UBQLN4: variants seen among roughly 807,000 people sequenced by gnomAD.
The protein encoded by UBQLN4 is ubiquilin 4, also known as ubiquilin-4.
Under a neutral mutation model 60.4 loss-of-function variants are expected in UBQLN4, and 11 were observed. The observed-to-expected ratio is 0.18, with a 90% CI of 0.11 to 0.30. The LOEUF (loss-of-function observed/expected upper bound fraction) is 0.30, where lower values mean the gene tolerates loss of function less well. Ranked by LOEUF, UBQLN4 falls within the 10% of genes least tolerant of loss-of-function variation. The pLI is 1.00. For synonymous variants in UBQLN4, 258 were observed against 313.1 expected (o/e 0.82, Z 1.86); for missense variants, 417 against 795.5 (o/e 0.52, Z 5.72).
chr1:156,033,204 G>C (rs948739664), downstream of UBQLN4: 1 of 985,302 alleles, frequency 1.0e-6, no homozygotes, highest in African/African-American at 1.7e-5. Context: ...GAGGAGCCCG[G>C]GTGAGACTGA....
chr1:156,047,662 A>G (rs956990441), intron 5 of UBQLN4, among the ~76,000 whole-genome samples: 20 of 151,268 alleles, frequency 1.3e-4, no homozygotes, highest in African/African-American at 4.6e-4. Context: ...TTTGGAGGCC[A>G]AGGTGGGCGG....
chr1:156,038,130 C>T (rs988744842), intron 10 of UBQLN4, among the ~76,000 whole-genome samples: 1 of 152,168 alleles, frequency 6.6e-6, no homozygotes, highest in Admixed American at 6.5e-5. Flanking sequence ...AATCCCAGCA[C>T]TTTGGGAGGC....
chr1:156,050,030 C>T lies in UBQLN4; in HGVS notation c.741+261G>A, dbSNP rs976068723. On this transcript the variant is annotated intron_variant, in intron 4 of 10. Transcript: ENST00000368309. This position sits in a 1 kb window ranked among gnomAD's most constrained non-coding sequence, Gnocchi z 4.6. ...TTAGGGTAGGGTCAGGAGCTCTTCT[C>T]TATGCTCCTAGAGGATCCCATGATT... Among the ~76,000 whole-genome samples the T allele has an allele frequency of 3.3e-5, 5 of 152,216 alleles. No homozygotes were observed. Among genetic ancestry groups the T allele is most frequent in the African/African-American group, 4.8e-5 (2 of 41,454 alleles).
chr1:156,037,123 G>T lies in UBQLN4; in HGVS notation c.1661C>A (p.Thr554Lys). 3 of 1,614,082 alleles carry T rather than the reference G, an allele frequency of 1.9e-6. No homozygotes were observed. The highest frequency in any genetic ancestry group is 2.5e-6 in the Non-Finnish European group (3 of 1,179,996). The change falls in exon 11 of 11, where the codon ACG (threonine) becomes AAG (lysine). Residue 554 changes from threonine to lysine, a missense_variant. Transcript: ENST00000368309. ...CTGCTGCTGAAATCTCACTTCTGGC[G>T]TCTGCACCTGGAGGGGACAGGCCTT... is the stretch of plus-strand genomic sequence containing the variant. ...LAGSGNSQVQ[T>K]PEVRFQQQLE...
In UBQLN4 at chr1:156,044,161, C is replaced by T. The variant is rs138459606; in HGVS notation, c.963G>A (p.Leu321=). ...GGAGGGGCTCTCGATTCTCAGTCCG[C>T]AGAGGCTGGGAGGATGAGCTGTCGG... The part of the protein sequence containing the change: ...GNSDSSSSQP[L]RTENREPLPN... The change falls in exon 6 of 11, where the codon CTG becomes CTA. Residue 321 remains leucine, a synonymous_variant. Transcript: ENST00000368309. 1,942 of 1,578,204 alleles carry T rather than the reference C, an allele frequency of 1.2e-3. 16 individuals are homozygous for T. The highest frequency in any genetic ancestry group is 3.8e-4 in the Non-Finnish European group (439 of 1,161,936).
In UBQLN4 at chr1:156,048,601, C is replaced by T; in HGVS notation, c.800G>A (p.Arg267Gln). ...GATGCTCTCAAGGTTGCTCAGGGCCCGGTCCTGGTTCCGCATCATCTCTTG... is the reference window on the plus strand; with the variant it reads ...GATGCTCTCAAGGTTGCTCAGGGCCTGGTCCTGGTTCCGCATCATCTCTTG... ...MMQEMMRNQD[R>Q]ALSNLESIPG... The change falls in exon 5 of 11, where the codon CGG (arginine) becomes CAG (glutamine). Residue 267 changes from arginine (R) to glutamine (Q), a missense_variant. Physicochemically the swap from Arg to Gln is conservative, Grantham distance 43. Coordinates refer to ENST00000368309, the MANE Select transcript of UBQLN4 (RefSeq NM_020131.5). This position sits in a 1 kb window ranked among gnomAD's most constrained non-coding sequence, Gnocchi z 4.9. 25 of 1,614,118 alleles carry T rather than the reference C, an allele frequency of 1.5e-5. No homozygotes were observed. Among genetic ancestry groups the T allele is most frequent in the Non-Finnish European group, 2.1e-5 (25 of 1,179,980 alleles).
chr1:156,042,415 G>A, intron 7 of UBQLN4, 179 bp from the exon 8 acceptor site: 1 of 1,416,534 alleles, frequency 7.1e-7, no homozygotes, highest in South Asian at 1.6e-5. Flanking sequence ...ACTATGCTCT[G>A]GGTAATGAAG....
Position 156,044,095 on chromosome 1 carries a change from G to C in UBQLN4, c.1029C>G (p.Pro343=). The change falls in exon 6 of 11, where the codon CCC becomes CCG. Residue 343 remains proline (P), a synonymous_variant. Transcript: ENST00000368309. ...CTCCGGTGCCCTCCCCACCGGACCC[G>C]GGGGCCTGGGAGGTGGGGGGCGAGG... ...WSPSPPTSQA[P]GSGGEGTGGS... The C allele has an allele frequency of 6.3e-7, 1 of 1,590,188 alleles. No homozygotes were observed. Among genetic ancestry groups the C allele is most frequent in the Non-Finnish European group, 8.6e-7 (1 of 1,168,464 alleles).
intron 6 of UBQLN4, 70 bp downstream of exon 6, chr1:156,043,928 C>A: frequency 1.1e-5 from 16 of 1,488,574 alleles, no homozygotes; most frequent in Non-Finnish European, 1.5e-5. Flanking sequence ...GCAGTATGAA[C>A]CCCATTCAGT....
Position 156,048,419 on chromosome 1 carries a change from G to C in UBQLN4, c.900+82C>G. The C allele has an allele frequency of 6.8e-7, 1 of 1,477,104 alleles. No individual in the cohort carries two copies. Among genetic ancestry groups the C allele is most frequent in the Non-Finnish European group, 9.1e-7 (1 of 1,094,552 alleles). 91.5% of individuals were successfully genotyped at this position (1,477,104 alleles called of 1,614,324 possible). ...CAGGGGACTGGGGAAAGAAAGAAGA[G>C]CAGGCCCAGGTTTGCCTGGGGTGGG... is the stretch of plus-strand genomic sequence containing the variant. On this transcript the variant is annotated intron_variant, in intron 5 of 10. Coordinates refer to ENST00000368309, the MANE Select transcript of UBQLN4 (RefSeq NM_020131.5). This position sits in a 1 kb window ranked among gnomAD's most constrained non-coding sequence, Gnocchi z 4.9.
At position 156,036,809 on chromosome 1, in the gene UBQLN4, C is replaced by T; in HGVS notation, c.*169G>A. ...GAGACGTAGCAGTAAAACCATAATT[C>T]TCAGACAGAGCTAAGGGGTTGGAGC... is the stretch of plus-strand genomic sequence containing the variant. On this transcript the variant is annotated 3_prime_UTR_variant, in exon 11 of 11. Transcript: ENST00000368309. 6.7e-7 allele frequency: 1 copy of T among 1,486,752 alleles called. No homozygotes were observed. The highest frequency in any genetic ancestry group is 2.3e-5 in the East Asian group (1 of 43,008). The allele number at this position is 1,486,752 out of a possible 1,614,324, so 92.1% of individuals were successfully genotyped here.
At position 156,053,744 on chromosome 1, in the gene UBQLN4, T is replaced by C. The variant is rs1205840800; in HGVS notation, c.-43A>G. ...GCCGCCCGCCAGCCCGCCCGGCTCC[T>C]CCTCCTCCCCGCCCGCCCGGCCGGC... is the stretch of plus-strand genomic sequence containing the variant. On this transcript the variant is annotated 5_prime_UTR_variant, in exon 1 of 11. Transcript: ENST00000368309. 4.2e-6 allele frequency: 5 copies of C among 1,178,078 alleles called. No individual in the cohort carries two copies. In the African/African-American group the frequency reaches 8.2e-5, roughly 19 times the overall value. The allele number at this position is 1,178,078 out of a possible 1,614,324, so 73.0% of individuals were successfully genotyped here. A position where few individuals can be genotyped will look rare whatever the true frequency, so the allele number is the denominator to read the frequency against.
chr1:156,051,895 T>G (rs1558091615), intron 1 of UBQLN4, 38 bp from the exon 2 acceptor site: 5 of 1,611,298 alleles, frequency 3.1e-6, no homozygotes, highest in Admixed American at 1.7e-5. Context: ...GGAGGCTGCC[T>G]GGACTCCCCC....
In UBQLN4 at chr1:156,044,209, G is replaced by A; in HGVS notation, c.915C>T (p.Pro305=). 6.4e-7 allele frequency: 1 copy of A among 1,565,422 alleles called. No individual in the cohort carries two copies. Among genetic ancestry groups the A allele is most frequent in the Non-Finnish European group, 8.7e-7 (1 of 1,154,446 alleles). Residue 305 remains proline (P), a synonymous_variant, in exon 6 of 11, where the codon CCC becomes CCT. Transcript: ENST00000368309. ...CGGAGTTCCCGGCCAGGGAAGAGAA[G>A]GGATTGTTGCCAAACTGGGAGGAGG... is the stretch of plus-strand genomic sequence containing the variant. ...SAAREQFGNN[P]FSSLAGNSDS... is the part of the protein sequence containing the mutation.
At chr1:156,043,393 G>A (rs956244366) in intron 6 of UBQLN4, among the ~76,000 whole-genome samples, 5 of 152,080 alleles carry the variant, frequency 3.3e-5, no homozygotes, top group African/African-American at 1.2e-4. Context: ...ACCTTTCCAG[G>A]ATGCAGGAGC....
rs1558086558 is a variant in UBQLN4 at position 156,041,908 on chromosome 1, T to C, written c.1430A>G (p.Gln477Arg). The C allele has an allele frequency of 6.2e-7, 1 of 1,614,018 alleles. No individual in the cohort carries two copies. Among genetic ancestry groups the C allele is most frequent in the Non-Finnish European group, 8.5e-7 (1 of 1,179,986 alleles). Residue 477 changes from glutamine (Q) to arginine (R), a missense_variant, in exon 9 of 11, where the codon CAG (glutamine) becomes CGG (arginine). Physicochemically the swap from Gln to Arg is conservative, Grantham distance 43. Coordinates refer to ENST00000368309, the MANE Select transcript of UBQLN4 (RefSeq NM_020131.5). The part of the protein sequence containing the change: ...QALLQIQQGL[Q>R]TLQTEAPGLV... ...CCCAGGGGCCTCGGTCTGCAAGGTCTGTAGTCCCTGCTGGATCTGCAGCAA... is the reference window on the plus strand; with the variant it reads ...CCCAGGGGCCTCGGTCTGCAAGGTCCGTAGTCCCTGCTGGATCTGCAGCAA...
At chr1:156,049,199 T>C (rs1366820934) in intron 4 of UBQLN4, among the ~76,000 whole-genome samples, 4 of 152,150 alleles carry the variant, frequency 2.6e-5, no homozygotes, top group African/African-American at 9.7e-5. Flanking sequence ...AGTCACTGAG[T>C]GGTGAAGACA....
chr1:156,046,092 T>G (rs1474805187), intron 5 of UBQLN4, among the ~76,000 whole-genome samples: 3 of 151,520 alleles, frequency 2.0e-5, no homozygotes, highest in African/African-American at 7.3e-5. Context: ...GTGATCCACC[T>G]GCCTCAGCCT....
Position 156,036,455 on chromosome 1 carries a change from G to A in UBQLN4, c.*523C>T. 3.0e-6 allele frequency: 3 copies of A among 986,346 alleles called. No individual in the cohort carries two copies. Among genetic ancestry groups the A allele is most frequent in the Non-Finnish European group, 3.6e-6 (3 of 830,488 alleles). The allele number at this position is 986,346 out of a possible 1,614,324, so 61.1% of individuals were successfully genotyped here. On this transcript the variant is annotated 3_prime_UTR_variant, in exon 11 of 11. Coordinates refer to ENST00000368309, the MANE Select transcript of UBQLN4 (RefSeq NM_020131.5). ...AAAAGTGCTGAATGAACCAGAATAG[G>A]GGCCGAGAAGGAAAATTACCACCTG... is the stretch of plus-strand genomic sequence containing the variant.
Sources: allele counts gnomAD v4.1 joint callset (sites outside exome capture counted in the v4.1 genomes callset), GRCh38; gene constraint gnomAD v4.1.1; non-coding constraint Gnocchi (gnomAD v3.1); transcripts MANE v1.5; gene names NCBI Gene and HGNC (gene_info 2026-07-23, HGNC 2026-07-21).